DPP9: variants seen among roughly 807,000 people sequenced by gnomAD.
DPP9 encodes dipeptidyl peptidase IV-related protein-2.
In DPP9, 50 loss-of-function variants were observed where a neutral mutation model predicts 110.7. The observed-to-expected ratio is 0.45, with a 90% CI of 0.36 to 0.57. The LOEUF is 0.57. Ranked by LOEUF, DPP9 falls within the 20% of genes least tolerant of loss-of-function variation. DPP9 has a pLI of 0.00. For synonymous variants in DPP9, 561 were observed against 514.4 expected (o/e 1.09, Z -1.23); for missense variants, 1,022 against 1,217.9 (o/e 0.84, Z 2.39).
chr19:4,704,016 G>A lies in DPP9; in HGVS notation c.639C>T (p.Cys213=). Residue 213 remains cysteine (C), a synonymous_variant, in exon 7 of 22, where the codon TGC becomes TGT. Transcript: ENST00000262960. This position sits in a 1 kb window ranked among gnomAD's most constrained non-coding sequence, Gnocchi z 6.0. ...TTTTGGGGTCCATCCGGGGCCCTGAGCACTGGGTCTTGATTTCCAGCGGTT... is the reference window on the plus strand; with the variant it reads ...TTTTGGGGTCCATCCGGGGCCCTGAACACTGGGTCTTGATTTCCAGCGGTT... The part of the protein sequence containing the change: ...PMKPLEIKTQ[C]SGPRMDPKIC... The A allele has an allele frequency of 6.2e-7, 1 of 1,614,058 alleles. No individual in the cohort carries two copies. Among genetic ancestry groups the A allele is most frequent in the Non-Finnish European group, 8.5e-7 (1 of 1,179,892 alleles).
chr19:4,708,006 C>T (rs2092671228), intron 4 of DPP9, among the ~76,000 whole-genome samples: 1 of 152,118 alleles, frequency 6.6e-6, no homozygotes, highest in African/African-American at 2.4e-5. Flanking sequence ...AATATCTGTG[C>T]CATTTTTATT....
rs1209051650 is a variant in DPP9, at chr19:4,695,081, G to A, written c.1354-258C>T. 1.7e-6 allele frequency: 1 copy of A among 592,466 alleles called. No homozygotes were observed. Among genetic ancestry groups the A allele is most frequent in the Non-Finnish European group, 3.0e-6 (1 of 335,876 alleles). 36.7% of individuals were successfully genotyped at this position (592,466 alleles called of 1,614,324 possible). A position where few individuals can be genotyped will look rare whatever the true frequency, so the allele number is the denominator to read the frequency against. Reference sequence around the variant, plus strand: ...TGGGAGGATCACTTAGGCCCAGGAGGTCAAGGCTGCAGTGAGCTATGACCA... The same window carrying A: ...TGGGAGGATCACTTAGGCCCAGGAGATCAAGGCTGCAGTGAGCTATGACCA... On this transcript the variant is annotated intron_variant, in intron 12 of 21. Coordinates refer to ENST00000262960, the MANE Select transcript of DPP9 (RefSeq NM_139159.5). This position sits in a 1 kb window ranked among gnomAD's most constrained non-coding sequence, Gnocchi z 4.7.
chr19:4,711,393 T>C (rs941706781), intron 4 of DPP9, among the ~76,000 whole-genome samples: 4 of 152,026 alleles, frequency 2.6e-5, no homozygotes, highest in African/African-American at 7.2e-5. Flanking sequence ...GACAGGCCTG[T>C]GCGGCTGGGA....
chr19:4,723,459 G>A (rs2093410931), intron 1 of DPP9, among the ~76,000 whole-genome samples: 1 of 152,182 alleles, frequency 6.6e-6, no homozygotes, highest in Admixed American at 6.5e-5. Flanking sequence ...CCTGGCCAGC[G>A]CAGGAATCGG....
intron 4 of DPP9, among the ~76,000 whole-genome samples, chr19:4,711,384 A>G (rs1440587967): frequency 6.6e-6 from 1 of 152,130 alleles, no homozygotes; most frequent in Non-Finnish European, 1.5e-5. Flanking sequence ...ACACAGAGAG[A>G]CAGGCCTGTG....
Position 4,695,077 on chromosome 19 carries a change from G to C in DPP9, c.1354-254C>G, listed in dbSNP as rs2091674720. The C allele has an allele frequency of 3.4e-6, 2 of 593,574 alleles. No homozygotes were observed. Among genetic ancestry groups the C allele is most frequent in the South Asian group, 2.1e-5 (1 of 48,108 alleles). 36.8% of individuals were successfully genotyped at this position (593,574 alleles called of 1,614,324 possible). On this transcript the variant is annotated intron_variant, in intron 12 of 21. Transcript: ENST00000262960. This position sits in a 1 kb window ranked among gnomAD's most constrained non-coding sequence, Gnocchi z 4.7. ...GAGGTGGGAGGATCACTTAGGCCCA[G>C]GAGGTCAAGGCTGCAGTGAGCTATG... is the stretch of plus-strand genomic sequence containing the variant.
Position 4,693,024 on chromosome 19 carries a change from C to T in DPP9, c.1516+1637G>A, listed in dbSNP as rs560708148. ...CCTGCAGTCCCGGATGCCTCGCTCC[C>T]TGGGGTCTCTGTCCCCTGTGTTGGG... On this transcript the variant is annotated intron_variant, in intron 13 of 21. Transcript: ENST00000262960. This position sits in a 1 kb window ranked among gnomAD's most constrained non-coding sequence, Gnocchi z 5.0. 6.6e-6 allele frequency among the ~76,000 whole-genome samples: 1 copy of T among 152,298 alleles called. No individual in the cohort carries two copies. The highest frequency in any genetic ancestry group is 2.4e-5 in the African/African-American group (1 of 41,588).
intron 4 of DPP9, among the ~76,000 whole-genome samples, chr19:4,711,182 G>T (rs1193158712): frequency 6.6e-6 from 1 of 152,158 alleles, no homozygotes; most frequent in African/African-American, 2.4e-5. Flanking sequence ...CTCAGGCGCT[G>T]CTTCCTGAGG....
rs544694230 is a variant in DPP9, at chr19:4,685,927, T to C, written c.1886-156A>G. The C allele has an allele frequency of 1.9e-3, 1,493 of 802,008 alleles. 1 individual carries two copies. The highest frequency in any genetic ancestry group is 2.5e-3 in the Non-Finnish European group (1,309 of 526,912). 49.7% of individuals were successfully genotyped at this position (802,008 alleles called of 1,614,324 possible). A position where few individuals can be genotyped will look rare whatever the true frequency, so the allele number is the denominator to read the frequency against. Reference sequence around the variant, plus strand: ...TTGATAATTGAAAAAAACGTTTTTTTTTCATTAAATAAGATTTGTACAGTT... The same window carrying C: ...TTGATAATTGAAAAAAACGTTTTTTCTTCATTAAATAAGATTTGTACAGTT... On this transcript the variant is annotated intron_variant, in intron 16 of 21. Transcript: ENST00000262960. The surrounding 1 kb of genome is among the most constrained non-coding windows in gnomAD (Gnocchi z 5.8).
At chr19:4,707,533 T>C (rs1335032318) in intron 4 of DPP9, among the ~76,000 whole-genome samples, 2 of 151,328 alleles carry the variant, frequency 1.3e-5, no homozygotes, top group Admixed American at 1.3e-4. Context: ...CTCCTTGCTC[T>C]ACTTTCAACC....
rs1303288502 is a variant in DPP9 at position 4,682,371 on chromosome 19, G to A, written c.2474+325C>T. Among the ~76,000 whole-genome samples the A allele has an allele frequency of 6.6e-6, 1 of 152,224 alleles. No homozygotes were observed. The highest frequency in any genetic ancestry group is 1.5e-5 in the Non-Finnish European group (1 of 68,036). ...TGATGGGGCCTCCAGCAGGATGCAG[G>A]GGAGTGGGGGAGGCTTGCCTGTGAA... On this transcript the variant is annotated intron_variant, in intron 20 of 21. Coordinates refer to ENST00000262960, the MANE Select transcript of DPP9 (RefSeq NM_139159.5). The surrounding 1 kb of genome is among the most constrained non-coding windows in gnomAD (Gnocchi z 7.1).
rs1038914512 is a variant in DPP9 at position 4,689,407 on chromosome 19, C to T, written c.1749+163G>A. ...GGTGGGCAATTCACTCCCTTCCCTG[C>T]CCTACCCAGGAGGCAGGGGTGGGCA... On this transcript the variant is annotated intron_variant, in intron 15 of 21. Coordinates refer to ENST00000262960, the MANE Select transcript of DPP9 (RefSeq NM_139159.5). The surrounding 1 kb of genome is among the most constrained non-coding windows in gnomAD (Gnocchi z 7.0). Among the ~76,000 whole-genome samples the T allele has an allele frequency of 6.6e-6, 1 of 152,192 alleles. No individual in the cohort carries two copies. The highest frequency in any genetic ancestry group is 2.4e-5 in the African/African-American group (1 of 41,458).
At chr19:4,677,151 G>A (rs2088949460) in intron 21 of DPP9, among the ~76,000 whole-genome samples, 1 of 152,128 alleles carries the variant, frequency 6.6e-6, no homozygotes, top group Admixed American at 6.5e-5. Context: ...AGCGCCCAAG[G>A]GGGATCAAGC....
chr19:4,703,768 C>T lies in DPP9; in HGVS notation c.769+118G>A, dbSNP rs565054326. On this transcript the variant is annotated intron_variant, in intron 7 of 21. Coordinates refer to ENST00000262960, the MANE Select transcript of DPP9 (RefSeq NM_139159.5). ...CATGGTAGGCTACAGAAGGTATGCA[C>T]GGGAGGGTGGCTTGTGAGGGGTGTG... 167 of 1,099,294 alleles carry T rather than the reference C, an allele frequency of 1.5e-4. 1 individual carries two copies. Among genetic ancestry groups the T allele is most frequent in the Middle Eastern group, 5.9e-4 (2 of 3,408 alleles). The allele number at this position is 1,099,294 out of a possible 1,614,324, so 68.1% of individuals were successfully genotyped here. A position where few individuals can be genotyped will look rare whatever the true frequency, so the allele number is the denominator to read the frequency against.
At position 4,714,064 on chromosome 19, in the gene DPP9, T is replaced by C. The variant is rs2092962279; in HGVS notation, c.313+17A>G. Reference sequence around the variant, plus strand: ...AGATGCTGTCCCCGCCCAAGCAGCCTGCAGGGCCCGGCTTACCCAGGTAGT... The same window carrying C: ...AGATGCTGTCCCCGCCCAAGCAGCCCGCAGGGCCCGGCTTACCCAGGTAGT... On this transcript the variant is annotated intron_variant, in intron 4 of 21. Transcript: ENST00000262960. 1 of 1,600,286 alleles carries C rather than the reference T, an allele frequency of 6.2e-7. No individual in the cohort carries two copies. Among genetic ancestry groups the C allele is most frequent in the South Asian group, 1.1e-5 (1 of 89,314 alleles).
intron 7 of DPP9, among the ~76,000 whole-genome samples, chr19:4,703,636 G>A (rs554983913): frequency 6.6e-6 from 1 of 150,950 alleles, no homozygotes; most frequent in African/African-American, 2.4e-5. Flanking sequence ...GCTCCCGCCT[G>A]GGCAACTGCA....
At chr19:4,707,517 T>G (rs1036448216) in intron 4 of DPP9, among the ~76,000 whole-genome samples, 3 of 150,960 alleles carry the variant, frequency 2.0e-5, no homozygotes, top group African/African-American at 4.9e-5. Flanking sequence ...CCCGGTGCCC[T>G]GGCCCCTCCT....
In DPP9 at chr19:4,704,156, CGGCAGTGGAAGA is replaced by C; in HGVS notation, c.563_574del (p.Leu188_Cys191del). On this transcript the variant is annotated inframe_deletion, in exon 6 of 22. Transcript: ENST00000262960. The surrounding 1 kb of genome is among the most constrained non-coding windows in gnomAD (Gnocchi z 6.0). ...CATGAAGCCGTTCTTGCCGCCGTCG[CGGCAGTGGAAGA>C]GGCTGTTGCTGGCCTGGAAGAGGAA... The C allele has an allele frequency of 6.2e-7, 1 of 1,614,002 alleles. No homozygotes were observed.
intron 5 of DPP9, among the ~76,000 whole-genome samples, chr19:4,705,503 G>A (rs1186882147): frequency 1.3e-5 from 2 of 152,188 alleles, no homozygotes; most frequent in African/African-American, 2.4e-5. Context: ...ACAAAAACAC[G>A]CCAATCAATG....
Sources: allele counts gnomAD v4.1 joint callset (sites outside exome capture counted in the v4.1 genomes callset), GRCh38; gene constraint gnomAD v4.1.1; non-coding constraint Gnocchi (gnomAD v3.1); transcripts MANE v1.5; gene names NCBI Gene and HGNC (gene_info 2026-07-23, HGNC 2026-07-21).